Variants in TBC1D22A observed in about 807,000 individuals in gnomAD.
TBC1D22A encodes putative GTPase activator.
A neutral mutation model predicts 60.2 loss-of-function variants in TBC1D22A; 38 were observed. The ratio of observed to expected loss-of-function variants is 0.63; its 90% CI spans 0.49 to 0.83. TBC1D22A has a LOEUF of 0.83. Ranked by LOEUF, TBC1D22A falls within the 40% of genes least tolerant of loss-of-function variation. The pLI is 0.00. For synonymous variants in TBC1D22A, 302 were observed against 281.7 expected, an observed-to-expected ratio of 1.07 and a Z score of -0.72; for missense variants, 628 against 701.0, an observed-to-expected ratio of 0.90 and a Z score of 1.18.
chr22:46,867,899 C>T (rs766633824), intron 4 of TBC1D22A, among the ~76,000 whole-genome samples: 1 of 152,348 alleles, frequency 6.6e-6, no homozygotes, highest in East Asian at 1.9e-4. Flanking sequence ...ATCCCTAGAG[C>T]ACCCGCTTCC....
intron 10 of TBC1D22A, among the ~76,000 whole-genome samples, chr22:47,035,555 C>T (rs1274583316): frequency 6.6e-6 from 1 of 152,196 alleles, no homozygotes; most frequent in Non-Finnish European, 1.5e-5. Flanking sequence ...CCTCATCCTG[C>T]AGGCATCCCC....
intron 10 of TBC1D22A, among the ~76,000 whole-genome samples, chr22:47,036,419 G>A (rs941032471): frequency 4.6e-5 from 7 of 152,140 alleles, no homozygotes; most frequent in Non-Finnish European, 8.8e-5. Flanking sequence ...CAAAGCTGCC[G>A]CCCACCACAG....
chr22:46,943,528 A>G (rs534426707), intron 8 of TBC1D22A, among the ~76,000 whole-genome samples: 13 of 152,340 alleles, frequency 8.5e-5, no homozygotes, highest in Admixed American at 7.8e-4. Context: ...GTGCCTGGAA[A>G]GGGGAATAAA....
chr22:47,035,390 C>T (rs1219073596), intron 10 of TBC1D22A, among the ~76,000 whole-genome samples: 3 of 152,182 alleles, frequency 2.0e-5, no homozygotes, highest in African/African-American at 7.2e-5. Flanking sequence ...GGCTGTCCAG[C>T]CTCCCTGGTG....
chr22:46,802,957 A>G (rs1276349138), intron 4 of TBC1D22A, among the ~76,000 whole-genome samples: 2 of 152,112 alleles, frequency 1.3e-5, no homozygotes, highest in Non-Finnish European at 2.9e-5. Context: ...TGGGGTCTGC[A>G]GGGATGGGGA....
intron 2 of TBC1D22A, chr22:46,792,813 G>C: frequency 6.9e-7 from 1 of 1,444,510 alleles, no homozygotes; most frequent in Non-Finnish European, 9.1e-7. Flanking sequence ...AGGTGGGGGA[G>C]CCCTGGGGAG....
chr22:46,875,036 C>T (rs1187420335), intron 4 of TBC1D22A, among the ~76,000 whole-genome samples: 1 of 152,156 alleles, frequency 6.6e-6, no homozygotes, highest in African/African-American at 2.4e-5. Context: ...TGCCCTATGA[C>T]CCAGCAGTTC....
chr22:46,792,954 C>T (rs1045680504), intron 2 of TBC1D22A: 2 of 1,115,656 alleles, frequency 1.8e-6, no homozygotes, highest in South Asian at 1.9e-5. Flanking sequence ...GTCCTGGCCC[C>T]TCCACAGCAG....
At chr22:47,047,058 G>T (rs2063057931) in intron 11 of TBC1D22A, among the ~76,000 whole-genome samples, 1 of 152,262 alleles carries the variant, frequency 6.6e-6, no homozygotes, top group Admixed American at 6.5e-5. Flanking sequence ...TAGGCCTGTT[G>T]TGGGACGAAG....
At chr22:47,023,526 GA>G (rs760233987) in intron 10 of TBC1D22A, among the ~76,000 whole-genome samples, 3 of 152,178 alleles carry the variant, frequency 2.0e-5, no homozygotes, top group Non-Finnish European at 4.4e-5. Context: ...AAAACATGAA[GA>G]AAACCAGAAC....
intron 12 of TBC1D22A, among the ~76,000 whole-genome samples, chr22:47,114,955 G>T (rs545500367): frequency 6.6e-5 from 10 of 152,042 alleles, no homozygotes; most frequent in African/African-American, 2.2e-4. Flanking sequence ...AGCCTCATGC[G>T]GGCATGGTTT....
At chr22:47,008,885 T>C (rs2061665300) in intron 10 of TBC1D22A, among the ~76,000 whole-genome samples, 1 of 152,108 alleles carries the variant, frequency 6.6e-6, no homozygotes, top group East Asian at 1.9e-4. Flanking sequence ...TCCCTATGTT[T>C]TGGTGGCTGA....
intron 11 of TBC1D22A, among the ~76,000 whole-genome samples, chr22:47,104,225 G>C (rs912180465): frequency 1.1e-4 from 16 of 152,152 alleles, no homozygotes; most frequent in African/African-American, 3.9e-4. Flanking sequence ...AGAATTGCTT[G>C]AATGCAGGAG....
At position 46,887,411 on chromosome 22, in the gene TBC1D22A, C is replaced by T. The variant is rs899431060; in HGVS notation, c.709-3855C>T. ...TTGAAAATTCTTTAGCAAAGTCTTT[C>T]GGAGGTATGCAAACCTAGCAGGCCC... On this transcript the variant is annotated intron_variant, in intron 5 of 12. Coordinates refer to ENST00000337137, the MANE Select transcript of TBC1D22A (RefSeq NM_014346.5). Among the ~76,000 whole-genome samples the T allele has an allele frequency of 8.5e-5, 13 of 152,286 alleles. No individual in the cohort carries two copies. In the East Asian group the frequency reaches 9.6e-4, roughly 11 times the overall value.
At chr22:46,992,528 C>T (rs562540368) in intron 9 of TBC1D22A, among the ~76,000 whole-genome samples, 14 of 152,366 alleles carry the variant, frequency 9.2e-5, no homozygotes, top group African/African-American at 2.9e-4. Context: ...ACATTCTAGG[C>T]ACCGGCCGGG....
chr22:46,852,186 GC>G (rs2087314233), intron 4 of TBC1D22A, among the ~76,000 whole-genome samples: 1 of 152,236 alleles, frequency 6.6e-6, no homozygotes, highest in African/African-American at 2.4e-5. Context: ...ATCTGTGTAA[GC>G]CCTTGCTGGC....
rs374940728 is a variant in TBC1D22A, at chr22:46,974,324, C to T, written c.1050C>T (p.Gly350=). 1.1e-4 allele frequency: 183 copies of T among 1,605,226 alleles called. No individual in the cohort carries two copies. The African/African-American group carries it at 1.4e-3, about 12-fold the overall frequency. Residue 350 remains glycine, a synonymous_variant, in exon 9 of 13, where the codon GGC becomes GGT. Transcript: ENST00000337137. ...AEEVDTVDVS[G]VPAEVLCNIE... ...AGGTGGACACGGTGGACGTCTCCGGCGTGCCCGCAGAGGTGCTGTGCAACA... is the reference window on the plus strand; with the variant it reads ...AGGTGGACACGGTGGACGTCTCCGGTGTGCCCGCAGAGGTGCTGTGCAACA...
At chr22:46,965,737 C>A (rs2073771082) in intron 8 of TBC1D22A, among the ~76,000 whole-genome samples, 1 of 152,244 alleles carries the variant, frequency 6.6e-6, no homozygotes, top group Admixed American at 6.5e-5. Context: ...CTCATCCCGT[C>A]CCTGTGGCCG....
chr22:47,133,441 C>G lies in TBC1D22A; in HGVS notation c.1425+21838C>G, dbSNP rs371578663. Among the ~76,000 whole-genome samples, 7 of 152,276 alleles carry G rather than the reference C, an allele frequency of 4.6e-5. No individual in the cohort carries two copies. In the East Asian group the frequency reaches 1.2e-3, roughly 25 times the overall value. ...CCAGTACCAGAGCGGGAGGCTGATT[C>G]CAAGGATTTGCCAGCCCCAGGTGAA... On this transcript the variant is annotated intron_variant, in intron 12 of 12. Coordinates refer to ENST00000337137, the MANE Select transcript of TBC1D22A (RefSeq NM_014346.5).
Sources: gnomAD v4.1 joint callset for allele counts (sites outside exome capture counted in the v4.1 genomes callset) on GRCh38, gnomAD v4.1.1 for gene constraint, MANE v1.5 for transcripts, NCBI Gene and HGNC (gene_info 2026-07-23, HGNC 2026-07-21) for gene names.